DCUN1D4: variants seen among roughly 807,000 people sequenced by gnomAD.
DCUN1D4 encodes DCN1-like protein 4.
In DCUN1D4, 22 loss-of-function variants were observed where a neutral mutation model predicts 47.9. The ratio of observed to expected loss-of-function variants is 0.46; its 90% CI spans 0.33 to 0.66. The LOEUF (loss-of-function observed/expected upper bound fraction) is 0.66. Ranked by LOEUF, DCUN1D4 falls within the 30% of genes least tolerant of loss-of-function variation. The pLI is 0.02. For missense variants in DCUN1D4, 301 were observed against 340.8 expected (o/e 0.88, Z 0.92); for synonymous variants, 121 against 112.2 (o/e 1.08, Z -0.50).
intron 1 of DCUN1D4, chr4:51,848,399 CT>C: frequency 9.2e-7 from 1 of 1,085,676 alleles, no homozygotes; most frequent in Non-Finnish European, 1.1e-6. Flanking sequence ...AGTGTTTGTC[CT>C]TTTCCCTTCT....
At chr4:51,911,696 A>G (rs2110143735) in intron 9 of DCUN1D4, among the ~76,000 whole-genome samples, 1 of 152,330 alleles carries the variant, frequency 6.6e-6, no homozygotes, top group African/African-American at 2.4e-5. Context: ...TCTTCAGATC[A>G]GTATCAGAAC....
chr4:51,855,573 G>A (rs535180808), intron 1 of DCUN1D4, among the ~76,000 whole-genome samples: 1 of 152,304 alleles, frequency 6.6e-6, no homozygotes, highest in South Asian at 2.1e-4. Context: ...AGGCTGAGGG[G>A]CACAGTAAAT....
chr4:51,867,064 G>A (rs1184248305), intron 3 of DCUN1D4, among the ~76,000 whole-genome samples: 1 of 152,256 alleles, frequency 6.6e-6, no homozygotes, highest in African/African-American at 2.4e-5. Flanking sequence ...CACACAGCCA[G>A]GCATGCTGGC....
At chr4:51,844,434 G>A in intron 1 of DCUN1D4, 3 of 982,064 alleles carry the variant, frequency 3.1e-6, no homozygotes, top group Non-Finnish European at 3.6e-6. Flanking sequence ...AGCGGGACTA[G>A]GAGGCGGGGC....
At position 51,916,040 on chromosome 4, in the gene DCUN1D4, C is replaced by T. The variant is rs1734293179; in HGVS notation, c.*2456C>T. On this transcript the variant is annotated 3_prime_UTR_variant, in exon 11 of 11. Transcript: ENST00000334635. ...ATATGATACATTTTCTTAAAAACTTCTCTAAGTTGCACAAAACTGAACAAT... is the reference window on the plus strand; with the variant it reads ...ATATGATACATTTTCTTAAAAACTTTTCTAAGTTGCACAAAACTGAACAAT... The T allele has an allele frequency of 6.6e-6, 1 of 152,050 alleles. No individual in the cohort carries two copies. Among genetic ancestry groups the T allele is most frequent in the Admixed American group, 6.6e-5 (1 of 15,244 alleles). 9.4% of individuals were successfully genotyped at this position (152,050 alleles called of 1,614,324 possible).
chr4:51,853,918 T>C (rs2109838233), intron 1 of DCUN1D4, among the ~76,000 whole-genome samples: 1 of 152,350 alleles, frequency 6.6e-6, no homozygotes, highest in Middle Eastern at 3.4e-3. Context: ...GTGCTTCCCC[T>C]GTGCCACGCA....
rs996424635 is a variant in DCUN1D4, at chr4:51,886,199, C to T, written c.344-369C>T. Among the ~76,000 whole-genome samples the T allele has an allele frequency of 4.6e-5, 7 of 152,204 alleles. No homozygotes were observed. The South Asian group carries it at 1.0e-3, about 23-fold the overall frequency. On this transcript the variant is annotated intron_variant, in intron 5 of 10. Coordinates refer to ENST00000334635, the MANE Select transcript of DCUN1D4 (RefSeq NM_001040402.3). ...TTTTTCTTATTTAATTTTATAGAGA[C>T]TATTATGTGGTTCTTTGCTATGTTT...
upstream of DCUN1D4, among the ~76,000 whole-genome samples, chr4:51,838,936 G>A (rs1721563146): frequency 6.6e-6 from 1 of 152,160 alleles, no homozygotes; most frequent in African/African-American, 2.4e-5. Flanking sequence ...TTAGTCGGGT[G>A]TGGTGGCGTG....
intron 1 of DCUN1D4, among the ~76,000 whole-genome samples, chr4:51,862,430 A>T (rs1725213026): frequency 6.6e-6 from 1 of 152,240 alleles, no homozygotes; most frequent in Non-Finnish European, 1.5e-5. Context: ...CTGATATTGT[A>T]GCACCTGCTC....
intron 4 of DCUN1D4, among the ~76,000 whole-genome samples, chr4:51,876,909 ATAAG>A (rs1175833237): frequency 6.6e-6 from 1 of 152,234 alleles, no homozygotes; most frequent in Non-Finnish European, 1.5e-5. Context: ...TAATTTATAT[ATAAG>A]TAAGGGATAT....
upstream of DCUN1D4, among the ~76,000 whole-genome samples, chr4:51,842,719 C>T (rs1383479142): frequency 6.6e-6 from 1 of 152,196 alleles, no homozygotes; most frequent in Non-Finnish European, 1.5e-5. Flanking sequence ...TACGAGCCGC[C>T]CCCAACTGCG....
chr4:51,910,829 G>A, intron 8 of DCUN1D4: 1 of 536,180 alleles, frequency 1.9e-6, no homozygotes, highest in Middle Eastern at 4.9e-4. Flanking sequence ...TTTGCATTAG[G>A]GTGATCATTC....
upstream of DCUN1D4, chr4:51,843,046 C>A: frequency 3.6e-6 from 5 of 1,374,892 alleles, no homozygotes; most frequent in Admixed American, 3.3e-5. Flanking sequence ...GCGCTATGGG[C>A]ACTCCTTTTG....
chr4:51,863,479 A>C lies in DCUN1D4; in HGVS notation c.68A>C (p.His23Pro), dbSNP rs772659690. The change falls in exon 2 of 11, where the codon CAT becomes CCT. Residue 23 changes from histidine to proline, a missense_variant. Coordinates refer to ENST00000334635, the MANE Select transcript of DCUN1D4 (RefSeq NM_001040402.3). Reference protein sequence around the residue: ...NSHLSTLANIHKIYHTLNKLN... With the variant: ...NSHLSTLANIPKIYHTLNKLN... Reference sequence around the variant, plus strand: ...CATCTCTCAACACTGGCAAATATTCATAAGATCTACCACACCCTTAATAAG... The same window carrying C: ...CATCTCTCAACACTGGCAAATATTCCTAAGATCTACCACACCCTTAATAAG... The C allele has an allele frequency of 6.2e-7, 1 of 1,613,158 alleles. No homozygotes were observed. The highest frequency in any genetic ancestry group is 8.5e-7 in the Non-Finnish European group (1 of 1,179,566).
upstream of DCUN1D4, among the ~76,000 whole-genome samples, chr4:51,838,815 C>T (rs11722990): frequency 6.6e-5 from 10 of 152,096 alleles, no homozygotes; most frequent in African/African-American, 2.4e-4. Context: ...GTGGCTCATG[C>T]CTGTAATCTC....
At chr4:51,866,765 T>C (rs1725998739) in intron 3 of DCUN1D4, among the ~76,000 whole-genome samples, 1 of 152,240 alleles carries the variant, frequency 6.6e-6, no homozygotes. Context: ...AACGAAAGTA[T>C]ACTTGGACTC....
chr4:51,905,093 TC>T, intron 8 of DCUN1D4: 2 of 404,340 alleles, frequency 4.9e-6, no homozygotes, highest in Non-Finnish European at 1.0e-5. Context: ...ATTTCTTTCT[TC>T]CCCTTTGAAC....
chr4:51,900,819 A>G (rs1053133488), intron 8 of DCUN1D4, among the ~76,000 whole-genome samples: 27 of 152,148 alleles, frequency 1.8e-4, no homozygotes, highest in African/African-American at 6.5e-4. Context: ...ATGGGTAGAA[A>G]TTCATTTAGA....
At chr4:51,911,857 TC>T (rs1357073275) in intron 9 of DCUN1D4, among the ~76,000 whole-genome samples, 1 of 152,170 alleles carries the variant, frequency 6.6e-6, no homozygotes, top group Non-Finnish European at 1.5e-5. Context: ...ATATATGGCA[TC>T]CTCCTTTCCC....
Sources: allele counts gnomAD v4.1 joint callset (sites outside exome capture counted in the v4.1 genomes callset), GRCh38; gene constraint gnomAD v4.1.1; transcripts MANE v1.5; gene names NCBI Gene and HGNC (gene_info 2026-07-23, HGNC 2026-07-21).